The following ENTREP2 variants were observed in gnomAD, a reference collection of about 807,000 sequenced individuals.
ENTREP2 encodes the protein endosomal transmembrane epsin interactor 2.
the ENTREP2 span, among the ~76,000 whole-genome samples, chr15:29,601,704 C>T: frequency 6.6e-6 from 1 of 152,072 alleles, no homozygotes; most frequent in East Asian, 1.9e-4. Context: ...CTTTTGTGTA[C>T]TTTCATCTTT....
the ENTREP2 span, among the ~76,000 whole-genome samples, chr15:29,652,916 A>C: frequency 6.6e-6 from 1 of 152,190 alleles, no homozygotes; most frequent in African/African-American, 2.4e-5. Context: ...AATAGACTGG[A>C]TCAAAAGTCA....
At chr15:29,535,331 C>A in the ENTREP2 span, among the ~76,000 whole-genome samples, 4 of 151,996 alleles carry the variant, frequency 2.6e-5, no homozygotes, top group South Asian at 2.1e-4. Context: ...CTAATAAAAT[C>A]TTTTTCTTTG....
the ENTREP2 span, among the ~76,000 whole-genome samples, chr15:29,162,215 A>G: frequency 6.6e-6 from 1 of 152,198 alleles, no homozygotes; most frequent in Non-Finnish European, 1.5e-5. Flanking sequence ...GGGATCCACC[A>G]GGAGGGCAGC....
the ENTREP2 span, among the ~76,000 whole-genome samples, chr15:29,235,492 T>C: frequency 5.3e-5 from 8 of 151,870 alleles, no homozygotes; most frequent in Admixed American, 4.6e-4. Context: ...AAATAATTCA[T>C]GGATCAAAGA....
the ENTREP2 span, among the ~76,000 whole-genome samples, chr15:29,285,564 GGA>G: frequency 6.6e-6 from 1 of 152,302 alleles, no homozygotes; most frequent in African/African-American, 2.4e-5. Context: ...TTCTGAATCT[GGA>G]ATTCCAAACT....
At chr15:29,594,943 G>A in the ENTREP2 span, among the ~76,000 whole-genome samples, 3 of 151,858 alleles carry the variant, frequency 2.0e-5, no homozygotes, top group African/African-American at 7.2e-5. Context: ...TGGCAGGCAC[G>A]TGTAGCCCCA....
At chr15:29,673,860 T>G in the ENTREP2 span, among the ~76,000 whole-genome samples, 1 of 152,326 alleles carries the variant, frequency 6.6e-6, no homozygotes, top group South Asian at 2.1e-4. Flanking sequence ...TCTCTTTCAC[T>G]GTCATAGTTG....
At chr15:29,276,797 G>A in the ENTREP2 span, among the ~76,000 whole-genome samples, 1 of 152,310 alleles carries the variant, frequency 6.6e-6, no homozygotes, top group South Asian at 2.1e-4. Context: ...AGTGAACAAG[G>A]TCTGGCTAAA....
the ENTREP2 span, among the ~76,000 whole-genome samples, chr15:29,636,951 A>C: frequency 6.6e-5 from 10 of 152,206 alleles, no homozygotes; most frequent in Non-Finnish European, 1.2e-4. Context: ...ATGATCAACT[A>C]TATATACTTG....
At chr15:29,521,748 T>A in the ENTREP2 span, among the ~76,000 whole-genome samples, 1 of 152,142 alleles carries the variant, frequency 6.6e-6, no homozygotes. Flanking sequence ...GGGGAGTAAG[T>A]GGCACTGACC....
At chr15:29,157,395 G>A in the ENTREP2 span, among the ~76,000 whole-genome samples, 1 of 152,184 alleles carries the variant, frequency 6.6e-6, no homozygotes, top group African/African-American at 2.4e-5. Flanking sequence ...ACAGAAGAGG[G>A]CATTTCTTTG....
chr15:29,230,951 T>C, the ENTREP2 span, among the ~76,000 whole-genome samples: 1 of 152,180 alleles, frequency 6.6e-6, no homozygotes, highest in African/African-American at 2.4e-5. Context: ...AGAGAATAGA[T>C]TATAGCCTGA....
chr15:29,517,213 A>G, the ENTREP2 span, among the ~76,000 whole-genome samples: 2 of 152,170 alleles, frequency 1.3e-5, no homozygotes, highest in Admixed American at 6.5e-5. Flanking sequence ...ATTTGCAACA[A>G]TCTAGCCACG....
At chr15:29,222,862 G>A in the ENTREP2 span, among the ~76,000 whole-genome samples, 1 of 152,308 alleles carries the variant, frequency 6.6e-6, no homozygotes, top group South Asian at 2.1e-4. Context: ...AAGCAATAAA[G>A]AATAACGTTT....
At chr15:29,455,167 A>G in the ENTREP2 span, among the ~76,000 whole-genome samples, 1 of 152,158 alleles carries the variant, frequency 6.6e-6, no homozygotes, top group Non-Finnish European at 1.5e-5. Flanking sequence ...ATGAGACTAC[A>G]AAGCCCATCA....
chr15:29,531,699 T>A, the ENTREP2 span, among the ~76,000 whole-genome samples: 1 of 152,240 alleles, frequency 6.6e-6, no homozygotes, highest in Admixed American at 6.5e-5. Context: ...AGGGTCTCAC[T>A]CTGTCACCTA....
the ENTREP2 span, among the ~76,000 whole-genome samples, chr15:29,468,440 G>A: frequency 6.6e-6 from 1 of 151,882 alleles, no homozygotes; most frequent in Non-Finnish European, 1.5e-5. Flanking sequence ...GTGAAACCTC[G>A]TCTCCACTAA....
chr15:29,585,118 C>T, the ENTREP2 span, among the ~76,000 whole-genome samples: 18 of 152,082 alleles, frequency 1.2e-4, no homozygotes, highest in African/African-American at 4.1e-4. Flanking sequence ...TTATATACAC[C>T]TAATTACATC....
the ENTREP2 span, chr15:29,265,927 A>G: frequency 6.6e-6 from 1 of 152,264 alleles, no homozygotes; most frequent in African/African-American, 2.4e-5. Flanking sequence ...AAACATATTT[A>G]CAATTTTAGG....
Sources: gnomAD v4.1 joint callset for allele counts (sites outside exome capture counted in the v4.1 genomes callset) on GRCh38, gnomAD v4.1.1 for gene constraint, MANE v1.5 for transcripts, NCBI Gene and HGNC (gene_info 2026-07-23, HGNC 2026-07-21) for gene names.